The following EBLN2 variants were observed in gnomAD, a reference collection of about 807,000 sequenced individuals.
EBLN2 encodes endogenous Bornavirus like nucleoprotein 2.
For missense variants in EBLN2, 397 were observed against 324.2 expected, an observed-to-expected ratio of 1.22 and a Z score of -1.72; for synonymous variants, 131 against 113.6, an observed-to-expected ratio of 1.15 and a Z score of -0.97.
At position 73,062,213 on chromosome 3, in the gene EBLN2, A is replaced by G. The variant is rs371350037; in HGVS notation, c.132A>G (p.Gln44=). The change falls in exon 1 of 1, where the codon CAA becomes CAG. Residue 44 remains glutamine (Q), a synonymous_variant. Coordinates refer to ENST00000533473, the MANE Select transcript of EBLN2 (RefSeq NM_018029.4). ...LNKIKELSRN[Q]FSTMSHLRKD... ...AAATTAAAGAATTAAGTCGGAACCA[A>G]TTTTCCACAATGTCTCATCTAAGAA... 188 of 1,589,736 alleles carry G rather than the reference A, an allele frequency of 1.2e-4. 1 individual carries two copies. The highest frequency in any genetic ancestry group is 8.2e-4 in the African/African-American group (60 of 73,584).
rs1575890430 is a variant in EBLN2, at chr3:73,061,937, T to C, written c.-145T>C. 2 of 613,704 alleles carry C rather than the reference T, an allele frequency of 3.3e-6. No individual in the cohort carries two copies. The highest frequency in any genetic ancestry group is 5.9e-5 in the East Asian group (2 of 33,628). 38.0% of individuals were successfully genotyped at this position (613,704 alleles called of 1,614,324 possible). Reference sequence around the variant, plus strand: ...ATAAGATACTAAAATAATCCCATACTATATTTCTTGACAGAAAAACTATTA... The same window carrying C: ...ATAAGATACTAAAATAATCCCATACCATATTTCTTGACAGAAAAACTATTA... On this transcript the variant is annotated 5_prime_UTR_variant, in exon 1 of 1. Coordinates refer to ENST00000533473, the MANE Select transcript of EBLN2 (RefSeq NM_018029.4).
At position 73,062,057 on chromosome 3, in the gene EBLN2, C is replaced by G; in HGVS notation, c.-25C>G. The G allele has an allele frequency of 6.8e-7, 1 of 1,474,778 alleles. No homozygotes were observed. Among genetic ancestry groups the G allele is most frequent in the Non-Finnish European group, 9.1e-7 (1 of 1,103,592 alleles). 91.4% of individuals were successfully genotyped at this position (1,474,778 alleles called of 1,614,324 possible). On this transcript the variant is annotated 5_prime_UTR_variant, in exon 1 of 1. Transcript: ENST00000533473. ...ATTTTGGAAAAATGGTAAAGAAGTG[C>G]AGAGTCAAGTCATAGCGACTAATAA...
Position 73,062,376 on chromosome 3 carries a change from G to A in EBLN2, c.295G>A (p.Asp99Asn). 2.5e-6 allele frequency: 4 copies of A among 1,606,510 alleles called. No individual in the cohort carries two copies. The highest frequency in any genetic ancestry group is 3.4e-6 in the Non-Finnish European group (4 of 1,177,940). The change falls in exon 1 of 1, where the codon GAT becomes AAT. Residue 99 changes from aspartate to asparagine, a missense_variant. Coordinates refer to ENST00000533473, the MANE Select transcript of EBLN2 (RefSeq NM_018029.4). ...DALEPQPSIG[D>N]IKDIKKAAKS... ...ATTGGAACCCCAACCCAGCATTGGG[G>A]ATATTAAGGACATTAAAAAAGCAGC...
In EBLN2 at chr3:73,062,731, C is replaced by G. The variant is rs1404383326; in HGVS notation, c.650C>G (p.Ala217Gly). The G allele has an allele frequency of 6.2e-7, 1 of 1,613,996 alleles. No individual in the cohort carries two copies. The highest frequency in any genetic ancestry group is 1.1e-5 in the South Asian group (1 of 91,088). Reference protein sequence around the residue: ...QVQRRFKAMMASIGRLSHGES... With the variant: ...QVQRRFKAMMGSIGRLSHGES... ...CAGAGACGATTCAAGGCAATGATGG[C>G]ATCTATTGGAAGACTTTCACATGGT... is the stretch of plus-strand genomic sequence containing the variant. The change falls in exon 1 of 1, where the codon GCA becomes GGA. Residue 217 changes from alanine (A) to glycine (G), a missense_variant. By Grantham distance (60) the Ala-to-Gly change is moderately conservative (BLOSUM62 0). Coordinates refer to ENST00000533473, the MANE Select transcript of EBLN2 (RefSeq NM_018029.4).
rs763120429 is a variant in EBLN2 at position 73,061,989 on chromosome 3, T to C, written c.-93T>C. The C allele has an allele frequency of 3.3e-6, 3 of 919,654 alleles. No homozygotes were observed. The highest frequency in any genetic ancestry group is 3.2e-6 in the Non-Finnish European group (2 of 622,730). The allele number at this position is 919,654 out of a possible 1,614,324, so 57.0% of individuals were successfully genotyped here. ...AATGTATACATGATAAAAATTTCTTTTATGAAGCAAAATATGTTTTGTTTT... is the reference window on the plus strand; with the variant it reads ...AATGTATACATGATAAAAATTTCTTCTATGAAGCAAAATATGTTTTGTTTT... On this transcript the variant is annotated 5_prime_UTR_variant, in exon 1 of 1. Coordinates refer to ENST00000533473, the MANE Select transcript of EBLN2 (RefSeq NM_018029.4).
Position 73,062,403 on chromosome 3 carries a change from A to G in EBLN2, c.322A>G (p.Lys108Glu). Residue 108 changes from lysine (K) to glutamate (E), a missense_variant, in exon 1 of 1, where the codon AAG becomes GAG. Physicochemically the swap from Lys to Glu is moderately conservative, Grantham distance 56. Transcript: ENST00000533473. The stretch of plus-strand genomic sequence containing the variant: ...TATTAAGGACATTAAAAAAGCAGCC[A>G]AGTCTATGCTAGACCCAGCACATAA... ...GDIKDIKKAA[K>E]SMLDPAHKSH... is the part of the protein sequence containing the mutation. The G allele has an allele frequency of 6.2e-7, 1 of 1,607,804 alleles. No homozygotes were observed. Among genetic ancestry groups the G allele is most frequent in the Non-Finnish European group, 8.5e-7 (1 of 1,178,246 alleles).
Position 73,062,265 on chromosome 3 carries a change from G to A in EBLN2, c.184G>A (p.Asp62Asn), listed in dbSNP as rs1325053295. The A allele has an allele frequency of 6.2e-7, 1 of 1,602,798 alleles. No individual in the cohort carries two copies. Among genetic ancestry groups the A allele is most frequent in the Non-Finnish European group, 8.5e-7 (1 of 1,177,166 alleles). Residue 62 changes from aspartate to asparagine, a missense_variant, in exon 1 of 1, where the codon GAT becomes AAT. Transcript: ENST00000533473. ...GGACTCACAGCCCAGCAGCCCAGGA[G>A]ATGACGCAATGGACAGGAGTGGGCT... ...RKDSQPSSPG[D>N]DAMDRSGLPD... is the part of the protein sequence containing the mutation.
At position 73,062,338 on chromosome 3, in the gene EBLN2, A is replaced by G; in HGVS notation, c.257A>G (p.Tyr86Cys). 6.2e-7 allele frequency: 1 copy of G among 1,607,914 alleles called. No homozygotes were observed. The highest frequency in any genetic ancestry group is 8.5e-7 in the Non-Finnish European group (1 of 1,178,188). Residue 86 changes from tyrosine to cysteine, a missense_variant, in exon 1 of 1, where the codon TAT becomes TGT. Tyr to Cys is a radical substitution (Grantham distance 194, BLOSUM62 -2). Transcript: ENST00000533473. ...GAGCTATCTGGGAAAAACAGACAGT[A>G]TCCACTGGATGCATTGGAACCCCAA... Reference protein sequence around the residue: ...RFELSGKNRQYPLDALEPQPS... With the variant: ...RFELSGKNRQCPLDALEPQPS...
chr3:73,062,258 C>T lies in EBLN2; in HGVS notation c.177C>T (p.Ser59=), dbSNP rs1283889421. 1 of 1,601,990 alleles carries T rather than the reference C, an allele frequency of 6.2e-7. No homozygotes were observed. The highest frequency in any genetic ancestry group is 8.5e-7 in the Non-Finnish European group (1 of 1,176,948). ...SHLRKDSQPS[S]PGDDAMDRSG... Reference sequence around the variant, plus strand: ...TAAGAAAGGACTCACAGCCCAGCAGCCCAGGAGATGACGCAATGGACAGGA... The same window carrying T: ...TAAGAAAGGACTCACAGCCCAGCAGTCCAGGAGATGACGCAATGGACAGGA... The change falls in exon 1 of 1, where the codon AGC becomes AGT. Residue 59 remains serine, a synonymous_variant. Coordinates refer to ENST00000533473, the MANE Select transcript of EBLN2 (RefSeq NM_018029.4).
chr3:73,063,196 C>G lies in EBLN2; in HGVS notation c.*296C>G. ...GGGATTTAAAGCTCCTGATGTTATA[C>G]CAGGATCAACCATCACACTCCCTTT... On this transcript the variant is annotated 3_prime_UTR_variant, in exon 1 of 1. Transcript: ENST00000533473. 2.5e-6 allele frequency: 1 copy of G among 397,500 alleles called. No homozygotes were observed. The highest frequency in any genetic ancestry group is 2.9e-5 in the South Asian group (1 of 34,726). The allele number at this position is 397,500 out of a possible 1,614,324, so 24.6% of individuals were successfully genotyped here.
Position 73,063,250 on chromosome 3 carries a change from C to A in EBLN2, c.*350C>A, listed in dbSNP as rs1029387631. 21 of 287,944 alleles carry A rather than the reference C, an allele frequency of 7.3e-5. No individual in the cohort carries two copies. The highest frequency in any genetic ancestry group is 1.1e-4 in the Non-Finnish European group (17 of 148,154). 17.8% of individuals were successfully genotyped at this position (287,944 alleles called of 1,614,324 possible). On this transcript the variant is annotated 3_prime_UTR_variant, in exon 1 of 1. Transcript: ENST00000533473. ...TCAAATGGCATCTACCCCGTAAGAT[C>A]TTGAGGGGGGAGTGTTGGGTGGAAT...
rs2637750 is a variant in EBLN2 at position 73,062,979 on chromosome 3, C to T, written c.*79C>T. ...TCAGTGCATGGATGGCTCCATTGCT[C>T]TACGGGCCATTGTGTCTGAGATCCC... On this transcript the variant is annotated 3_prime_UTR_variant, in exon 1 of 1. Coordinates refer to ENST00000533473, the MANE Select transcript of EBLN2 (RefSeq NM_018029.4). 2 of 1,225,314 alleles carry T rather than the reference C, an allele frequency of 1.6e-6. No homozygotes were observed. The highest frequency in any genetic ancestry group is 1.2e-6 in the Non-Finnish European group (1 of 858,206). 75.9% of individuals were successfully genotyped at this position (1,225,314 alleles called of 1,614,324 possible). A position where few individuals can be genotyped will look rare whatever the true frequency, so the allele number is the denominator to read the frequency against.
chr3:73,062,442 C>T lies in EBLN2; in HGVS notation c.361C>T (p.Pro121Ser). The T allele has an allele frequency of 6.2e-7, 1 of 1,611,846 alleles. No homozygotes were observed. The highest frequency in any genetic ancestry group is 1.1e-5 in the South Asian group (1 of 90,698). Residue 121 changes from proline (P) to serine (S), a missense_variant, in exon 1 of 1, where the codon CCT becomes TCT. Transcript: ENST00000533473. Reference protein sequence around the residue: ...LDPAHKSHFHPVTPSLVFLCF... With the variant: ...LDPAHKSHFHSVTPSLVFLCF... ...CCCAGCACATAAATCTCATTTCCAC[C>T]CTGTGACCCCAAGTTTAGTATTCTT...
Position 73,062,979 on chromosome 3 carries a change from C to G in EBLN2, c.*79C>G. 5 of 1,225,314 alleles carry G rather than the reference C, an allele frequency of 4.1e-6. No homozygotes were observed. The highest frequency in any genetic ancestry group is 4.7e-6 in the Non-Finnish European group (4 of 858,206). The allele number at this position is 1,225,314 out of a possible 1,614,324, so 75.9% of individuals were successfully genotyped here. A position where few individuals can be genotyped will look rare whatever the true frequency, so the allele number is the denominator to read the frequency against. On this transcript the variant is annotated 3_prime_UTR_variant, in exon 1 of 1. Coordinates refer to ENST00000533473, the MANE Select transcript of EBLN2 (RefSeq NM_018029.4). ...TCAGTGCATGGATGGCTCCATTGCT[C>G]TACGGGCCATTGTGTCTGAGATCCC... is the stretch of plus-strand genomic sequence containing the variant.
In EBLN2 at chr3:73,061,967, G is replaced by A. The variant is rs1276101054; in HGVS notation, c.-115G>A. The A allele has an allele frequency of 8.8e-6, 6 of 679,524 alleles. 1 individual carries two copies. In the Admixed American group the frequency reaches 2.0e-4, roughly 22 times the overall value. 42.1% of individuals were successfully genotyped at this position (679,524 alleles called of 1,614,324 possible). A position where few individuals can be genotyped will look rare whatever the true frequency, so the allele number is the denominator to read the frequency against. ...TTCTTGACAGAAAAACTATTAAAAT[G>A]TATACATGATAAAAATTTCTTTTAT... On this transcript the variant is annotated 5_prime_UTR_variant, in exon 1 of 1. An upstream start codon of the reference 5' UTR is lost. Coordinates refer to ENST00000533473, the MANE Select transcript of EBLN2 (RefSeq NM_018029.4).
Position 73,062,572 on chromosome 3 carries a change from A to T in EBLN2, c.491A>T (p.Tyr164Phe), listed in dbSNP as rs1362437174. The change falls in exon 1 of 1, where the codon TAT (tyrosine) becomes TTT (phenylalanine). Residue 164 changes from tyrosine (Y) to phenylalanine (F), a missense_variant. Coordinates refer to ENST00000533473, the MANE Select transcript of EBLN2 (RefSeq NM_018029.4). ...GNENEERGTP[Y>F]ASRFKDMPNF... is the part of the protein sequence containing the mutation. ...GAGAACGAGGAAAGGGGTACTCCTT[A>T]TGCTAGCAGATTCAAAGATATGCCT... 1 of 1,614,036 alleles carries T rather than the reference A, an allele frequency of 6.2e-7. No homozygotes were observed.
Position 73,062,916 on chromosome 3 carries a change from A to C in EBLN2, c.*16A>C. The C allele has an allele frequency of 6.3e-7, 1 of 1,599,420 alleles. No individual in the cohort carries two copies. Among genetic ancestry groups the C allele is most frequent in the Non-Finnish European group, 8.6e-7 (1 of 1,168,774 alleles). Reference sequence around the variant, plus strand: ...GTCAAGTTAGTTGCCAAGAAAGCACAGATGACAACCTATTAATGCTGTGAG... The same window carrying C: ...GTCAAGTTAGTTGCCAAGAAAGCACCGATGACAACCTATTAATGCTGTGAG... On this transcript the variant is annotated 3_prime_UTR_variant, in exon 1 of 1. Transcript: ENST00000533473.
chr3:73,062,231 T>G lies in EBLN2; in HGVS notation c.150T>G (p.His50Gln). The G allele has an allele frequency of 6.3e-6, 10 of 1,597,682 alleles. No individual in the cohort carries two copies. The highest frequency in any genetic ancestry group is 8.5e-6 in the Non-Finnish European group (10 of 1,175,126). Residue 50 changes from histidine to glutamine, a missense_variant, in exon 1 of 1, where the codon CAT (histidine) becomes CAG (glutamine). Coordinates refer to ENST00000533473, the MANE Select transcript of EBLN2 (RefSeq NM_018029.4). ...GGAACCAATTTTCCACAATGTCTCA[T>G]CTAAGAAAGGACTCACAGCCCAGCA... The part of the protein sequence containing the change: ...LSRNQFSTMS[H>Q]LRKDSQPSSP...
Position 73,063,123 on chromosome 3 carries a change from A to T in EBLN2, c.*223A>T, listed in dbSNP as rs1344230496. 8 of 531,028 alleles carry T rather than the reference A, an allele frequency of 1.5e-5. No homozygotes were observed. Among genetic ancestry groups the T allele is most frequent in the Non-Finnish European group, 2.7e-5 (8 of 295,078 alleles). 32.9% of individuals were successfully genotyped at this position (531,028 alleles called of 1,614,324 possible). On this transcript the variant is annotated 3_prime_UTR_variant, in exon 1 of 1. Coordinates refer to ENST00000533473, the MANE Select transcript of EBLN2 (RefSeq NM_018029.4). ...TGTCACCACGAATGTTCCCAAACTT[A>T]GCAACAGCGGCAAACTACTGGGCCA...
Sources: gnomAD v4.1 joint callset for allele counts on GRCh38, gnomAD v4.1.1 for gene constraint, MANE v1.5 for transcripts, NCBI Gene and HGNC (gene_info 2026-07-23, HGNC 2026-07-21) for gene names.